SETBP1: variants seen among roughly 807,000 people sequenced by gnomAD.
SETBP1 encodes SET binding protein 1.
A neutral mutation model predicts 101.0 loss-of-function variants in SETBP1; 9 were observed. The observed-to-expected ratio is 0.09, with a 90% CI of 0.05 to 0.16. The LOEUF is 0.16. Among genes scored for constraint, SETBP1 ranks in the 10% least tolerant of loss-of-function variants. SETBP1 has a pLI of 1.00. For missense variants in SETBP1, 1,858 were observed against 2,033.8 expected (o/e 0.91, Z 1.66); for synonymous variants, 818 against 788.5 (o/e 1.04, Z -0.63).
chr18:44,810,601 A>C (rs974532385), intron 2 of SETBP1, among the ~76,000 whole-genome samples: 1 of 152,210 alleles, frequency 6.6e-6, no homozygotes, highest in Middle Eastern at 3.2e-3. Context: ...ATAATGTTTG[A>C]TTTAGGGTCT....
intron 2 of SETBP1, among the ~76,000 whole-genome samples, chr18:44,749,570 C>T (rs978187295): frequency 1.3e-5 from 2 of 152,156 alleles, no homozygotes; most frequent in Non-Finnish European, 2.9e-5. Flanking sequence ...TGATACTGTG[C>T]ACAGCATCTT....
At chr18:44,879,912 AC>A (rs529056953) in intron 3 of SETBP1, among the ~76,000 whole-genome samples, 302 of 152,352 alleles carry the variant, frequency 2.0e-3, no homozygotes, top group African/African-American at 7.0e-3. Context: ...GCTATAAGGT[AC>A]TAAAAATGAT....
rs189795809 is a variant in SETBP1 at position 44,884,036 on chromosome 18, G to A, written c.540+14753G>A. Among the ~76,000 whole-genome samples the A allele has an allele frequency of 3.2e-4, 49 of 152,256 alleles. 1 individual carries two copies. The highest frequency in any genetic ancestry group is 1.1e-3 in the African/African-American group (45 of 41,546). On this transcript the variant is annotated intron_variant, in intron 3 of 5. Transcript: ENST00000649279. ...AAAGAGGCGGATTTTAGTTTATTTCGGAGAAATTTCCTAGCAACGAAATGA... is the reference window on the plus strand; with the variant it reads ...AAAGAGGCGGATTTTAGTTTATTTCAGAGAAATTTCCTAGCAACGAAATGA...
intron 5 of SETBP1, among the ~76,000 whole-genome samples, chr18:45,048,736 G>A (rs2073662052): frequency 6.6e-6 from 1 of 151,838 alleles, no homozygotes; most frequent in Non-Finnish European, 1.5e-5. Flanking sequence ...ACTTTGGGAG[G>A]CCGAGGCGGG....
Position 45,063,660 on chromosome 18 carries a change from AG to A in SETBP1, c.4755del (p.Lys1586SerfsTer25). The stretch of plus-strand genomic sequence containing the variant: ...AGAGGAGGTGAAAGCCAAAAGGCAG[AG>A]GAAGTCCCGAGGGAGTGAGAGCGAG... ...QEEEVKAKRQ[R>X]KSRGSESEVL... On this transcript the variant is annotated frameshift_variant, in exon 6 of 6. Coordinates refer to ENST00000649279, the MANE Select transcript of SETBP1 (RefSeq NM_015559.3). LOFTEE classifies it high-confidence loss of function. The A allele has an allele frequency of 6.2e-7, 1 of 1,608,624 alleles. No homozygotes were observed. The highest frequency in any genetic ancestry group is 1.7e-5 in the Admixed American group (1 of 59,688).
Position 44,874,509 on chromosome 18 carries a change from A to G in SETBP1, c.540+5226A>G, listed in dbSNP as rs575658517. Among the ~76,000 whole-genome samples, 7 of 152,104 alleles carry G rather than the reference A, an allele frequency of 4.6e-5. No homozygotes were observed. In the East Asian group the frequency reaches 1.4e-3, roughly 29 times the overall value. On this transcript the variant is annotated intron_variant, in intron 3 of 5. Coordinates refer to ENST00000649279, the MANE Select transcript of SETBP1 (RefSeq NM_015559.3). Reference sequence around the variant, plus strand: ...TTGGTCCATACAAGGAGTAGGGGGGAATGAAGGTGGGCTGAGGACCGTGGG... The same window carrying G: ...TTGGTCCATACAAGGAGTAGGGGGGGATGAAGGTGGGCTGAGGACCGTGGG...
chr18:45,005,190 G>A (rs1375455708), intron 4 of SETBP1, among the ~76,000 whole-genome samples: 1 of 152,100 alleles, frequency 6.6e-6, no homozygotes, highest in African/African-American at 2.4e-5. Context: ...GTGTTCCCTG[G>A]GCATTTACTA....
At chr18:44,807,973 A>G (rs949917830) in intron 2 of SETBP1, among the ~76,000 whole-genome samples, 4 of 152,208 alleles carry the variant, frequency 2.6e-5, no homozygotes, top group African/African-American at 9.6e-5. Flanking sequence ...AAGCCATCAG[A>G]ACCTACGAAT....
At chr18:44,796,920 C>T (rs1024991670) in intron 2 of SETBP1, among the ~76,000 whole-genome samples, 1 of 152,186 alleles carries the variant, frequency 6.6e-6, no homozygotes, top group African/African-American at 2.4e-5. Context: ...TTTTGTCTCT[C>T]TCTCTTCTCC....
intron 2 of SETBP1, among the ~76,000 whole-genome samples, chr18:44,859,967 G>A (rs1188320307): frequency 6.6e-6 from 1 of 152,248 alleles, no homozygotes; most frequent in Non-Finnish European, 1.5e-5. Context: ...AAGCTGAGGA[G>A]CAGAGCTTTT....
rs185739404 is a variant in SETBP1 at position 44,923,339 on chromosome 18, C to T, written c.541-26542C>T. Among the ~76,000 whole-genome samples the T allele has an allele frequency of 5.1e-4, 77 of 152,258 alleles. 1 individual carries two copies. Among genetic ancestry groups the T allele is most frequent in the Non-Finnish European group, 7.5e-4 (51 of 68,014 alleles). On this transcript the variant is annotated intron_variant, in intron 3 of 5. Coordinates refer to ENST00000649279, the MANE Select transcript of SETBP1 (RefSeq NM_015559.3). ...GCAACATGACTGAGTATTCCATAGGCAGGGGACAGAATTTCCATTTAACTA... is the reference window on the plus strand; with the variant it reads ...GCAACATGACTGAGTATTCCATAGGTAGGGGACAGAATTTCCATTTAACTA...
intron 4 of SETBP1, among the ~76,000 whole-genome samples, chr18:44,998,298 CG>C (rs1241853361): frequency 6.6e-6 from 1 of 152,234 alleles, no homozygotes; most frequent in Non-Finnish European, 1.5e-5. Context: ...GTGGTAGCCC[CG>C]TTTCCGGGGT....
chr18:44,972,647 G>T (rs890901382), intron 4 of SETBP1, among the ~76,000 whole-genome samples: 2 of 152,148 alleles, frequency 1.3e-5, no homozygotes, highest in African/African-American at 4.8e-5. Flanking sequence ...AATTGTGAAT[G>T]GGAGTTCACT....
At position 44,952,728 on chromosome 18, in the gene SETBP1, C is replaced by A. The variant is rs1064204; in HGVS notation, c.3388C>A (p.Pro1130Thr). 0.12 allele frequency: 189,866 copies of A among 1,613,980 alleles called. 12,930 individuals carry two copies. The highest frequency in any genetic ancestry group is 0.28 in the Admixed American group (16,725 of 59,982). Residue 1130 changes from proline (P) to threonine (T), a missense_variant, in exon 4 of 6, where the codon CCT (proline) becomes ACT (threonine). By Grantham distance (38) the Pro-to-Thr change is conservative. Around this residue, in one of 12 missense-constraint regions of SETBP1, gnomAD observed 417 missense variants for 389.1 expected, o/e 1.07. Coordinates refer to ENST00000649279, the MANE Select transcript of SETBP1 (RefSeq NM_015559.3). ...PVSMGLGDMQ[P>T]SLNPPKVGSA... ...TAGCATGGGCCTTGGTGACATGCAGCCTTCTCTGAACCCTCCCAAGGTAGG... is the reference window on the plus strand; with the variant it reads ...TAGCATGGGCCTTGGTGACATGCAGACTTCTCTGAACCCTCCCAAGGTAGG...
intron 2 of SETBP1, among the ~76,000 whole-genome samples, chr18:44,778,070 G>A (rs1056386876): frequency 7.2e-5 from 11 of 152,252 alleles, no homozygotes; most frequent in South Asian, 2.1e-4. Context: ...TCTCTAAAGC[G>A]TCTTTATCTG....
chr18:44,743,515 C>T (rs2070146787), intron 2 of SETBP1, among the ~76,000 whole-genome samples: 1 of 152,136 alleles, frequency 6.6e-6, no homozygotes, highest in African/African-American at 2.4e-5. Flanking sequence ...GTACCAGCTC[C>T]ATATTGCCCA....
At position 44,742,978 on chromosome 18, in the gene SETBP1, T is replaced by C. The variant is rs73487116; in HGVS notation, c.486+41146T>C. Among the ~76,000 whole-genome samples, 305 of 79,856 alleles carry C rather than the reference T, an allele frequency of 3.8e-3. 1 individual carries two copies. In the South Asian group the frequency reaches 0.041, roughly 11 times the overall value. 52.4% of individuals were successfully genotyped at this position (79,856 alleles called of 152,430 possible). A position where few individuals can be genotyped will look rare whatever the true frequency, so the allele number is the denominator to read the frequency against. ...CTCTCTCTCTCTCTCTCTCCCCCCC[T>C]GTCCCGTTACCCCTTTCTGTCTCAC... is the stretch of plus-strand genomic sequence containing the variant. On this transcript the variant is annotated intron_variant, in intron 2 of 5. Transcript: ENST00000649279.
chr18:45,041,010 T>G (rs572420485), intron 5 of SETBP1, among the ~76,000 whole-genome samples: 1 of 152,348 alleles, frequency 6.6e-6, no homozygotes, highest in African/African-American at 2.4e-5. Flanking sequence ...CTGGGAGAGC[T>G]AGAAACACAC....
intron 4 of SETBP1, among the ~76,000 whole-genome samples, chr18:44,976,080 A>ACACACC (rs2071980418): frequency 8.0e-6 from 1 of 125,754 alleles, no homozygotes; most frequent in South Asian, 2.3e-4. Context: ...GGATACACAC[A>ACACACC]CACACACACA....
Sources: allele counts gnomAD v4.1 joint callset (sites outside exome capture counted in the v4.1 genomes callset), GRCh38; gene constraint gnomAD v4.1.1; regional missense constraint gnomAD v4.1.1; transcripts MANE v1.5; gene names NCBI Gene and HGNC (gene_info 2026-07-23, HGNC 2026-07-21).